IWS1: variants seen among roughly 807,000 people sequenced by gnomAD.
IWS1 encodes interacts with SUPT6H, CTD assembly factor 1.
Under a neutral mutation model 86.7 loss-of-function variants are expected in IWS1, and 27 were observed. The observed-to-expected ratio is 0.31, with a 90% CI of 0.23 to 0.43. IWS1 has a LOEUF of 0.43. IWS1 is among the 20% of genes least tolerant of loss of function. IWS1 has a pLI of 1.00. For synonymous variants in IWS1, 313 were observed against 335.1 expected (o/e 0.93, Z 0.72); for missense variants, 827 against 1,000.8 (o/e 0.83, Z 2.34).
chr2:127,495,133 T>C (rs1168781315), intron 7 of IWS1, among the ~76,000 whole-genome samples, 179 bp from the exon 8 acceptor site: 1 of 152,154 alleles, frequency 6.6e-6, no homozygotes, highest in Non-Finnish European at 1.5e-5. Flanking sequence ...TCTATGTCAG[T>C]CAAACCCAAA....
At chr2:127,494,170 G>C (rs1690385272) in intron 8 of IWS1, among the ~76,000 whole-genome samples, 2 of 149,838 alleles carry the variant, frequency 1.3e-5, no homozygotes, top group Admixed American at 1.3e-4. Flanking sequence ...CCTTTGGGGT[G>C]TTGAGACGGG....
intron 1 of IWS1, among the ~76,000 whole-genome samples, chr2:127,524,700 G>T (rs946350031): frequency 6.7e-6 from 1 of 148,262 alleles, no homozygotes; most frequent in African/African-American, 2.5e-5. Flanking sequence ...CCGCCACCAC[G>T]CCTGGCTAAT....
intron 3 of IWS1, among the ~76,000 whole-genome samples, chr2:127,504,199 G>A (rs1181348905): frequency 6.6e-6 from 1 of 152,208 alleles, no homozygotes; most frequent in East Asian, 1.9e-4. Context: ...TCTGGAGAGA[G>A]ATGGTGTCTC....
At chr2:127,486,509 A>G in intron 13 of IWS1, 44 bp downstream of exon 13, 4 of 1,296,214 alleles carry the variant, frequency 3.1e-6, no homozygotes, top group Non-Finnish European at 4.5e-6. Context: ...GTCAAACAGT[A>G]ATCTGCAGGT....
intron 2 of IWS1, chr2:127,506,567 C>G (rs1388404772): frequency 6.4e-6 from 1 of 157,244 alleles, no homozygotes; most frequent in African/African-American, 2.4e-5. Context: ...TTTAAGCAAA[C>G]AAAGAAAGGA....
At position 127,505,649 on chromosome 2, in the gene IWS1, T is replaced by C; in HGVS notation, c.254A>G (p.Glu85Gly). ...LNLNASDSES[E>G]ELHRQKDSDS... ...GCTGTCCTTTTGCCTGTGAAGCTCC[T>C]CACTTTCAGAGTCACTAGCATTAAG... is the stretch of plus-strand genomic sequence containing the variant. The change falls in exon 3 of 14, where the codon GAG (glutamate) becomes GGG (glycine). Residue 85 changes from glutamate (E) to glycine (G), a missense_variant. Coordinates refer to ENST00000295321, the MANE Select transcript of IWS1 (RefSeq NM_017969.3). This position sits in a 1 kb window ranked among gnomAD's most constrained non-coding sequence, Gnocchi z 5.0. 6.2e-7 allele frequency: 1 copy of C among 1,609,256 alleles called. No individual in the cohort carries two copies. The highest frequency in any genetic ancestry group is 8.5e-7 in the Non-Finnish European group (1 of 1,177,398).
chr2:127,490,035 G>C (rs1487527181), intron 10 of IWS1, 92 bp from the exon 11 acceptor site: 1 of 743,588 alleles, frequency 1.3e-6, no homozygotes, highest in African/African-American at 1.7e-5. Flanking sequence ...GGATATTCTA[G>C]ACATTTAGAA....
Position 127,492,081 on chromosome 2 carries a change from C to A in IWS1, c.1937G>T (p.Ser646Ile). The part of the protein sequence containing the change: ...ELLKILQELP[S>I]VSQETLKHSG... ...ATGCTTCAGGGTCTCCTGGCTCACA[C>A]TAGGCAGCTGGGGAACATAAACACA... Residue 646 changes from serine (S) to isoleucine (I), a missense_variant, in exon 10 of 14, where the codon AGT becomes ATT. Ser to Ile is a moderately radical substitution (Grantham distance 142). Transcript: ENST00000295321. 11 of 1,611,238 alleles carry A rather than the reference C, an allele frequency of 6.8e-6. No individual in the cohort carries two copies. Among genetic ancestry groups the A allele is most frequent in the Non-Finnish European group, 9.3e-6 (11 of 1,177,386 alleles).
intron 6 of IWS1, 88 bp from the exon 7 acceptor site, chr2:127,496,236 T>A: frequency 7.4e-7 from 1 of 1,357,656 alleles, no homozygotes; most frequent in Non-Finnish European, 1.0e-6. Flanking sequence ...CCAAATTTCT[T>A]AATTCTAACT....
rs1310018660 is a variant in IWS1 at position 127,489,561 on chromosome 2, T to C, written c.2159+271A>G. The C allele has an allele frequency of 9.7e-6, 5 of 513,172 alleles. No homozygotes were observed. The highest frequency in any genetic ancestry group is 1.7e-5 in the Non-Finnish European group (5 of 291,752). The allele number at this position is 513,172 out of a possible 1,614,324, so 31.8% of individuals were successfully genotyped here. Reference sequence around the variant, plus strand: ...TCGGAAACGGGACCCAGAAAGTTGTTTTCTCAAGTGGATGGAACAACACAA... The same window carrying C: ...TCGGAAACGGGACCCAGAAAGTTGTCTTCTCAAGTGGATGGAACAACACAA... On this transcript the variant is annotated intron_variant, in intron 11 of 13. Coordinates refer to ENST00000295321, the MANE Select transcript of IWS1 (RefSeq NM_017969.3). This position sits in a 1 kb window ranked among gnomAD's most constrained non-coding sequence, Gnocchi z 4.8.
chr2:127,486,961 AGG>A (rs1183663319), intron 12 of IWS1, among the ~76,000 whole-genome samples: 1 of 152,088 alleles, frequency 6.6e-6, no homozygotes, highest in African/African-American at 2.4e-5. Context: ...CTGCCTTCCA[AGG>A]CTAGTCCCGC....
At chr2:127,503,745 T>C (rs1690948624) in intron 3 of IWS1, among the ~76,000 whole-genome samples, 169 bp from the exon 4 acceptor site, 1 of 152,036 alleles carries the variant, frequency 6.6e-6, no homozygotes, top group Admixed American at 6.5e-5. Flanking sequence ...TGGTTTAGAA[T>C]TTTTAAAATA....
At chr2:127,486,425 C>T (rs113566788) in intron 13 of IWS1, 128 bp downstream of exon 13, 15 of 656,790 alleles carry the variant, frequency 2.3e-5, no homozygotes, top group African/African-American at 3.6e-5. Context: ...GCTAGATAAG[C>T]GACCAGAAAA....
chr2:127,492,205 G>C (rs1176108752), intron 9 of IWS1, 117 bp from the exon 10 acceptor site: 1 of 666,162 alleles, frequency 1.5e-6, no homozygotes, highest in Non-Finnish European at 2.7e-6. Flanking sequence ...CCATTTTCAG[G>C]ATCTACAGAC....
intron 8 of IWS1, chr2:127,494,288 G>T (rs1690398038): frequency 1.6e-5 from 2 of 124,444 alleles, no homozygotes; most frequent in Admixed American, 8.2e-5. Flanking sequence ...AAAAAAGTTA[G>T]AAACAAGGAT....
intron 7 of IWS1, among the ~76,000 whole-genome samples, chr2:127,495,370 T>C (rs2104677411): frequency 6.6e-6 from 1 of 152,302 alleles, no homozygotes; most frequent in East Asian, 1.9e-4. Flanking sequence ...GTTTTTTCTA[T>C]TTTTTTAAAT....
chr2:127,481,252 T>C (rs1689606936), intron 13 of IWS1, 77 bp from the exon 14 acceptor site: 1 of 1,362,688 alleles, frequency 7.3e-7, no homozygotes, highest in Non-Finnish European at 9.8e-7. Flanking sequence ...TTCTTATAAC[T>C]GAGTTAGCAA....
chr2:127,510,800 A>C (rs1691407075), intron 2 of IWS1, among the ~76,000 whole-genome samples: 1 of 151,986 alleles, frequency 6.6e-6, no homozygotes, highest in Non-Finnish European at 1.5e-5. Context: ...ACCTCTTTAG[A>C]CTCACTTCTT....
At position 127,510,250 on chromosome 2, in the gene IWS1, A is replaced by T. The variant is rs867839264; in HGVS notation, c.151-4498T>A. Among the ~76,000 whole-genome samples the T allele has an allele frequency of 8.5e-5, 13 of 152,310 alleles. No individual in the cohort carries two copies. The Middle Eastern group carries it at 0.01, about 120-fold the overall frequency. On this transcript the variant is annotated intron_variant, in intron 2 of 13. Transcript: ENST00000295321. ...CGTATCAGTTTAATGAGCATGAAAG[A>T]ATCTGAGAAACCCTGCAGTAAAATA... is the stretch of plus-strand genomic sequence containing the variant.
Sources: allele counts gnomAD v4.1 joint callset (sites outside exome capture counted in the v4.1 genomes callset), GRCh38; gene constraint gnomAD v4.1.1; non-coding constraint Gnocchi (gnomAD v3.1); transcripts MANE v1.5; gene names NCBI Gene and HGNC (gene_info 2026-07-23, HGNC 2026-07-21).